Variants in USP2 observed in about 807,000 individuals in gnomAD.
USP2 encodes the protein ubiquitin carboxyl-terminal hydrolase 2.
Under a neutral mutation model 72.0 loss-of-function variants are expected in USP2, and 33 were observed. The ratio of observed to expected loss-of-function variants is 0.46; its 90% CI spans 0.35 to 0.61. The LOEUF (loss-of-function observed/expected upper bound fraction) is 0.61. Among genes scored for constraint, USP2 ranks in the 20% least tolerant of loss-of-function variants. USP2 has a pLI of 0.01. For missense variants in USP2, 691 were observed against 797.8 expected (o/e 0.87, Z 1.61); for synonymous variants, 296 against 312.5 (o/e 0.95, Z 0.56).
chr11:119,358,726 A>G (rs1263557818), intron 7 of USP2, 47 bp downstream of exon 7: 2 of 1,604,512 alleles, frequency 1.2e-6, no homozygotes. Context: ...CACTCAGGCA[A>G]GAGCAGGCAA....
At chr11:119,357,451 T>A in intron 11 of USP2, 32 bp downstream of exon 11, 5 of 1,613,860 alleles carry the variant, frequency 3.1e-6, no homozygotes, top group Non-Finnish European at 4.2e-6. Context: ...ACCTGCGTCT[T>A]CATTCTGCCC....
At chr11:119,371,108 CGA>C (rs1565311192) in intron 2 of USP2, among the ~76,000 whole-genome samples, 1 of 152,126 alleles carries the variant, frequency 6.6e-6, no homozygotes, top group African/African-American at 2.4e-5. Flanking sequence ...GGCCCCATCC[CGA>C]GAGAGTTTGC....
chr11:119,363,923 G>A (rs1591322826), intron 2 of USP2: 1 of 1,229,810 alleles, frequency 8.1e-7, no homozygotes, highest in Non-Finnish European at 1.0e-6. Context: ...CGCGGCCGCA[G>A]CTCCTTGGCG....
intron 2 of USP2, among the ~76,000 whole-genome samples, chr11:119,366,482 A>G (rs1258794170): frequency 1.3e-5 from 2 of 152,170 alleles, no homozygotes; most frequent in Non-Finnish European, 2.9e-5. Flanking sequence ...CATGGTGTTA[A>G]TCTATCTTAA....
chr11:119,356,608 G>A lies in USP2; in HGVS notation c.*227C>T. On this transcript the variant is annotated 3_prime_UTR_variant, in exon 13 of 13. Transcript: ENST00000260187. Reference sequence around the variant, plus strand: ...GCAAACGCCGAGGGCACGGGGCGATGCTGGCTCCACGTCCAGGCGATCTTC... The same window carrying A: ...GCAAACGCCGAGGGCACGGGGCGATACTGGCTCCACGTCCAGGCGATCTTC... 1 of 549,068 alleles carries A rather than the reference G, an allele frequency of 1.8e-6. No individual in the cohort carries two copies. Among genetic ancestry groups the A allele is most frequent in the Non-Finnish European group, 3.2e-6 (1 of 314,244 alleles). 34.0% of individuals were successfully genotyped at this position (549,068 alleles called of 1,614,324 possible). A position where few individuals can be genotyped will look rare whatever the true frequency, so the allele number is the denominator to read the frequency against.
intron 2 of USP2, chr11:119,364,088 G>A: frequency 7.9e-7 from 1 of 1,258,570 alleles, no homozygotes. Context: ...TCCGGACGCC[G>A]AGGCCGGCGA....
At chr11:119,374,520 G>A (rs1366680902) in intron 1 of USP2, among the ~76,000 whole-genome samples, 1 of 152,148 alleles carries the variant, frequency 6.6e-6, no homozygotes, top group African/African-American at 2.4e-5. Flanking sequence ...ATGCTTATTT[G>A]CCCCCGGCCA....
chr11:119,356,929 A>G lies in USP2; in HGVS notation c.1731-7T>C, dbSNP rs954451313. 3.2e-6 allele frequency: 5 copies of G among 1,554,882 alleles called. No individual in the cohort carries two copies. In the African/African-American group the frequency reaches 6.8e-5, roughly 21 times the overall value. ...GGAGGACATGGGAGTGACGCTGCGGAGAGAGCGGGGAGTCAGCCCGGAGCG... is the reference window on the plus strand; with the variant it reads ...GGAGGACATGGGAGTGACGCTGCGGGGAGAGCGGGGAGTCAGCCCGGAGCG... On this transcript the variant is annotated splice_polypyrimidine_tract_variant and splice_region_variant and intron_variant, in intron 12 of 12. Transcript: ENST00000260187.
chr11:119,356,610 T>G lies in USP2; in HGVS notation c.*225A>C. On this transcript the variant is annotated 3_prime_UTR_variant, in exon 13 of 13. Transcript: ENST00000260187. ...AAACGCCGAGGGCACGGGGCGATGC[T>G]GGCTCCACGTCCAGGCGATCTTCCC... 1 of 550,752 alleles carries G rather than the reference T, an allele frequency of 1.8e-6. No individual in the cohort carries two copies. 34.1% of individuals were successfully genotyped at this position (550,752 alleles called of 1,614,324 possible).
chr11:119,365,475 A>G (rs1046148457), intron 2 of USP2, among the ~76,000 whole-genome samples: 1 of 152,138 alleles, frequency 6.6e-6, no homozygotes, highest in South Asian at 2.1e-4. Context: ...GGTGATCTCT[A>G]CAGTCACTGT....
intron 7 of USP2, 46 bp downstream of exon 7, chr11:119,358,727 G>A (rs778133219): frequency 5.0e-6 from 8 of 1,605,230 alleles, no homozygotes; most frequent in South Asian, 1.1e-5. Context: ...ACTCAGGCAA[G>A]AGCAGGCAAC....
At chr11:119,363,499 A>C (rs1037573365) in intron 2 of USP2, among the ~76,000 whole-genome samples, 7 of 152,066 alleles carry the variant, frequency 4.6e-5, no homozygotes, top group Admixed American at 3.9e-4. Context: ...GGCACGGTCC[A>C]GCGTGCTGCC....
chr11:119,363,912 G>T, intron 2 of USP2: 1 of 1,333,394 alleles, frequency 7.5e-7, no homozygotes, highest in Non-Finnish European at 9.6e-7. Context: ...AGAGAGGGGA[G>T]CGCGGCCGCA....
chr11:119,370,744 C>G (rs1442379629), intron 2 of USP2, among the ~76,000 whole-genome samples: 1 of 152,234 alleles, frequency 6.6e-6, no homozygotes, highest in African/African-American at 2.4e-5. Context: ...GCATTCCCGG[C>G]TAAAGTGCCT....
intron 2 of USP2, among the ~76,000 whole-genome samples, chr11:119,367,135 G>C (rs1950864684): frequency 6.6e-6 from 1 of 152,196 alleles, no homozygotes; most frequent in Admixed American, 6.5e-5. Flanking sequence ...ACAAAGGATA[G>C]AGGCTTCTGG....
At chr11:119,375,442 G>C (rs1414632631) in intron 1 of USP2, among the ~76,000 whole-genome samples, 1 of 152,166 alleles carries the variant, frequency 6.6e-6, no homozygotes, top group African/African-American at 2.4e-5. Flanking sequence ...GGGGGCCCCT[G>C]GCCCTTCATG....
chr11:119,358,286 C>T (rs750636795), intron 7 of USP2, 34 bp from the exon 8 acceptor site: 26 of 1,590,508 alleles, frequency 1.6e-5, no homozygotes, highest in South Asian at 5.5e-5. Flanking sequence ...TGCTGAAATA[C>T]AGGAAGTAGA....
intron 2 of USP2, among the ~76,000 whole-genome samples, chr11:119,360,650 C>G (rs764825448): frequency 5.9e-5 from 9 of 152,140 alleles, no homozygotes; most frequent in Non-Finnish European, 8.8e-5. Context: ...GTCTTGAACT[C>G]CTGACCTCAG....
chr11:119,356,951 A>G, intron 12 of USP2, 29 bp from the exon 13 acceptor site: 1 of 1,548,686 alleles, frequency 6.5e-7, no homozygotes, highest in Non-Finnish European at 8.7e-7. Context: ...GTCAGCCCGG[A>G]GCGGGCAGGA....
Sources: gnomAD v4.1 joint callset for allele counts (sites outside exome capture counted in the v4.1 genomes callset) on GRCh38, gnomAD v4.1.1 for gene constraint, MANE v1.5 for transcripts, NCBI Gene and HGNC (gene_info 2026-07-23, HGNC 2026-07-21) for gene names.